TTLL6: variants seen among roughly 807,000 people sequenced by gnomAD.
TTLL6 encodes the protein tubulin tyrosine ligase like 6.
In TTLL6, 75 loss-of-function variants were observed where a neutral mutation model predicts 96.4. The ratio of observed to expected loss-of-function variants is 0.78; its 90% CI spans 0.65 to 0.94. The LOEUF (loss-of-function observed/expected upper bound fraction) is 0.94. TTLL6 is among the 40% of genes least tolerant of loss of function. The pLI is 0.00. For synonymous variants in TTLL6, 411 were observed against 419.4 expected (o/e 0.98, Z 0.24); for missense variants, 1,030 against 1,093.0 (o/e 0.94, Z 0.81).
chr17:48,799,489 A>C, intron 6 of TTLL6, 115 bp downstream of exon 6: 1 of 1,128,284 alleles, frequency 8.9e-7, no homozygotes, highest in Non-Finnish European at 1.3e-6. Flanking sequence ...GGCAGAAGCC[A>C]GGTCAGCTCC....
At chr17:48,807,801 C>T (rs574604823) in intron 1 of TTLL6, among the ~76,000 whole-genome samples, 5 of 152,024 alleles carry the variant, frequency 3.3e-5, no homozygotes, top group Admixed American at 2.0e-4. Context: ...CATGAGCCAC[C>T]GTGCATGGCC....
At chr17:48,792,315 G>T (rs949989630) in intron 8 of TTLL6, among the ~76,000 whole-genome samples, 1 of 152,230 alleles carries the variant, frequency 6.6e-6, no homozygotes, top group African/African-American at 2.4e-5. Context: ...CCAGCTCTGA[G>T]CTGGGCATTA....
rs780373060 is a variant in TTLL6, at chr17:48,786,243, T to C, written c.1682A>G (p.Gln561Arg). Residue 561 changes from glutamine to arginine, a missense_variant, in exon 12 of 16, where the codon CAA (glutamine) becomes CGA (arginine). Coordinates refer to ENST00000393382, the MANE Select transcript of TTLL6 (RefSeq NM_001130918.3). ...GCCCCTCATGCCCTTCTTTCTCACT[T>C]GCTCGCCTGCCGATTCCCCCTGCAT... ...VEMQGESAGEQVRKKGMRGWQ... is the reference protein window; with the variant it reads ...VEMQGESAGERVRKKGMRGWQ... The C allele has an allele frequency of 6.2e-7, 1 of 1,614,242 alleles. No homozygotes were observed. Among genetic ancestry groups the C allele is most frequent in the South Asian group, 1.1e-5 (1 of 91,080 alleles).
chr17:48,813,895 G>A (rs1373336418), intron 1 of TTLL6, among the ~76,000 whole-genome samples: 1 of 152,122 alleles, frequency 6.6e-6, no homozygotes, highest in Non-Finnish European at 1.5e-5. Flanking sequence ...TAGGGGAGGG[G>A]ACTTGTACCC....
chr17:48,807,470 T>C (rs557535550), intron 1 of TTLL6, among the ~76,000 whole-genome samples: 53 of 152,300 alleles, frequency 3.5e-4, no homozygotes, highest in Admixed American at 2.7e-3. Flanking sequence ...CTTAGTAGAT[T>C]ATAAACAGCC....
At chr17:48,766,053 A>G (rs1214789438) in intron 15 of TTLL6, among the ~76,000 whole-genome samples, 1 of 152,236 alleles carries the variant, frequency 6.6e-6, no homozygotes, top group East Asian at 1.9e-4. Context: ...AATCTAGCCC[A>G]CGTTGCTAAA....
At chr17:48,802,292 A>G (rs2039440602) in intron 3 of TTLL6, among the ~76,000 whole-genome samples, 1 of 152,166 alleles carries the variant, frequency 6.6e-6, no homozygotes, top group Admixed American at 6.5e-5. Flanking sequence ...CTTTCCTCCA[A>G]ACACCAAGCT....
intron 15 of TTLL6, among the ~76,000 whole-genome samples, chr17:48,768,098 G>A (rs1222428823): frequency 6.6e-6 from 1 of 151,978 alleles, no homozygotes; most frequent in Non-Finnish European, 1.5e-5. Flanking sequence ...TAGCAAGGGG[G>A]TCACTTTTTT....
chr17:48,797,336 G>T (rs1034171149), intron 6 of TTLL6, 132 bp from the exon 7 acceptor site: 6 of 972,332 alleles, frequency 6.2e-6, no homozygotes, highest in African/African-American at 3.3e-5. Flanking sequence ...GCTTGTCCAG[G>T]GTCAGAGAGA....
At chr17:48,771,863 T>C (rs576478070) in intron 13 of TTLL6, among the ~76,000 whole-genome samples, 27 of 151,266 alleles carry the variant, frequency 1.8e-4, no homozygotes, top group African/African-American at 6.6e-4. Flanking sequence ...TCACTTGAGG[T>C]CGGGTGTTTG....
chr17:48,788,485 C>G (rs2039152331), intron 10 of TTLL6, among the ~76,000 whole-genome samples: 2 of 152,206 alleles, frequency 1.3e-5, no homozygotes, highest in South Asian at 2.1e-4. Context: ...GATAAGCCCC[C>G]TTTTACAGCA....
Position 48,804,649 on chromosome 17 carries a change from T to C in TTLL6, c.323+123A>G, listed in dbSNP as rs2039478805. On this transcript the variant is annotated intron_variant, in intron 2 of 15. Transcript: ENST00000393382. ...TTTATATGAACCAAAAGTGGTGAGA[T>C]GTTGACAGTCTCAGCACACAGTTTC... 6.3e-6 allele frequency: 5 copies of C among 794,304 alleles called. No individual in the cohort carries two copies. In the Admixed American group the frequency reaches 9.0e-5, roughly 14 times the overall value. The allele number at this position is 794,304 out of a possible 1,614,324, so 49.2% of individuals were successfully genotyped here.
chr17:48,798,029 G>A (rs1266853511), intron 6 of TTLL6, among the ~76,000 whole-genome samples: 1 of 151,754 alleles, frequency 6.6e-6, no homozygotes, highest in Non-Finnish European at 1.5e-5. Flanking sequence ...GATTGCTCAA[G>A]CCTAGGAGGT....
chr17:48,809,495 G>T (rs2039549874), intron 1 of TTLL6, among the ~76,000 whole-genome samples: 1 of 152,122 alleles, frequency 6.6e-6, no homozygotes, highest in African/African-American at 2.4e-5. Context: ...AGAAGTGCGG[G>T]TTCTCTTTGC....
Position 48,785,090 on chromosome 17 carries a change from C to T in TTLL6, c.1873G>A (p.Glu625Lys). 6.2e-7 allele frequency: 1 copy of T among 1,614,160 alleles called. No homozygotes were observed. The change falls in exon 13 of 16, where the codon GAG becomes AAG. Residue 625 changes from glutamate (E) to lysine (K), a missense_variant. Coordinates refer to ENST00000393382, the MANE Select transcript of TTLL6 (RefSeq NM_001130918.3). Reference protein sequence around the residue: ...SSLNQEAPTEEASSVFPKLTS... With the variant: ...SSLNQEAPTEKASSVFPKLTS... ...AGCTTGGGGAAAACAGAGCTGGCCT[C>T]CTCCGTGGGAGCCTCCTGGTTGAGG...
chr17:48,788,057 G>A, intron 10 of TTLL6, 58 bp from the exon 11 acceptor site: 1 of 1,555,518 alleles, frequency 6.4e-7, no homozygotes, highest in African/African-American at 1.4e-5. Flanking sequence ...AAGCCTGGAA[G>A]GGATATGTCC....
rs538186802 is a variant in TTLL6 at position 48,785,036 on chromosome 17, G to T, written c.1927C>A (p.Pro643Thr). The change falls in exon 13 of 16, where the codon CCC becomes ACC. Residue 643 changes from proline (P) to threonine (T), a missense_variant. By Grantham distance (38) the Pro-to-Thr change is conservative. Transcript: ENST00000393382. ...CTGAGATTGATATTCCTCAGATCGG[G>T]TAGAGAACTGAAGGGCTTCGCAGAC... Reference protein sequence around the residue: ...LTSAKPFSSLPDLRNINLSSS... With the variant: ...LTSAKPFSSLTDLRNINLSSS... 1.1e-5 allele frequency: 18 copies of T among 1,614,136 alleles called. 1 individual carries two copies. In the East Asian group the frequency reaches 3.8e-4, roughly 34 times the overall value.
chr17:48,790,266 G>C (rs2039194555), intron 9 of TTLL6, among the ~76,000 whole-genome samples, 160 bp from the exon 10 acceptor site: 1 of 152,122 alleles, frequency 6.6e-6, no homozygotes, highest in Non-Finnish European at 1.5e-5. Flanking sequence ...GAGCCACAGT[G>C]AAAAAAGGAG....
chr17:48,800,799 G>A (rs1008021176), intron 5 of TTLL6, among the ~76,000 whole-genome samples: 1 of 152,098 alleles, frequency 6.6e-6, no homozygotes, highest in East Asian at 1.9e-4. Context: ...GTTTTGAAAT[G>A]GATATAAAGA....
Sources: gnomAD v4.1 joint callset for allele counts (sites outside exome capture counted in the v4.1 genomes callset) on GRCh38, gnomAD v4.1.1 for gene constraint, MANE v1.5 for transcripts, NCBI Gene and HGNC (gene_info 2026-07-23, HGNC 2026-07-21) for gene names.